SAXO2: variants seen among roughly 807,000 people sequenced by gnomAD.
SAXO2 encodes stabilizer of axonemal microtubules 2.
A neutral mutation model predicts 18.7 loss-of-function variants in SAXO2; 17 were observed. The ratio of observed to expected loss-of-function variants is 0.91; its 90% CI spans 0.62 to 1.36. SAXO2 has a LOEUF of 1.36. SAXO2 is among the 40% of genes most tolerant of loss of function. SAXO2 has a pLI of 0.00. For missense variants in SAXO2, 486 were observed against 562.6 expected (o/e 0.86, Z 1.38); for synonymous variants, 163 against 181.2 (o/e 0.90, Z 0.81).
intron 3 of SAXO2, 52 bp downstream of exon 3, chr15:82,271,854 A>G: frequency 1.4e-6 from 2 of 1,440,234 alleles, no homozygotes; most frequent in Non-Finnish European, 1.9e-6. Context: ...ACTCACTTCC[A>G]GCTTTAACAT....
In SAXO2 at chr15:82,262,873, G is replaced by C; in HGVS notation, c.-7G>C. 1.9e-6 allele frequency: 3 copies of C among 1,590,798 alleles called. No homozygotes were observed. Among genetic ancestry groups the C allele is most frequent in the South Asian group, 1.1e-5 (1 of 87,406 alleles). ...GCTGCAAGTGCTGAGGCGCGGTGGAGGAAAGCATGGGAGCCAAGAGTATGA... is the reference window on the plus strand; with the variant it reads ...GCTGCAAGTGCTGAGGCGCGGTGGACGAAAGCATGGGAGCCAAGAGTATGA... On this transcript the variant is annotated 5_prime_UTR_variant, in exon 1 of 4. Transcript: ENST00000682753.
In SAXO2 at chr15:82,267,446, A is replaced by C. The variant is rs536292398; in HGVS notation, c.233+1698A>C. Among the ~76,000 whole-genome samples, 15 of 152,298 alleles carry C rather than the reference A, an allele frequency of 9.8e-5. No homozygotes were observed. The East Asian group carries it at 1.2e-3, about 12-fold the overall frequency. ...ATAGAATGGGAGACAGCTTTGCCCT[A>C]AGCATTTCCCAGCTTCACTTTTCCC... On this transcript the variant is annotated intron_variant, in intron 2 of 3. Coordinates refer to ENST00000682753, the MANE Select transcript of SAXO2 (RefSeq NM_001348699.2).
At chr15:82,279,173 A>G (rs566424676) in intron 3 of SAXO2, among the ~76,000 whole-genome samples, 1 of 152,318 alleles carries the variant, frequency 6.6e-6, no homozygotes, top group South Asian at 2.1e-4. Context: ...ACCAATTACA[A>G]ATATCAAGAA....
chr15:82,263,051 A>G, intron 1 of SAXO2, 119 bp downstream of exon 1: 1 of 1,527,646 alleles, frequency 6.5e-7, no homozygotes, highest in Non-Finnish European at 8.8e-7. Context: ...TGAAGGGACG[A>G]GGGCGCAGCG....
chr15:82,271,711 G>A lies in SAXO2; in HGVS notation c.342G>A (p.Leu114=). The A allele has an allele frequency of 6.2e-7, 1 of 1,614,120 alleles. No individual in the cohort carries two copies. The highest frequency in any genetic ancestry group is 8.5e-7 in the Non-Finnish European group (1 of 1,179,982). Residue 114 remains leucine (L), a synonymous_variant, in exon 3 of 4, where the codon TTG becomes TTA. Transcript: ENST00000682753. ...TTGGTACTACCTACAAACGGGATTT[G>A]AATTCGTATAAAGTGCAGCCTGTGG... ...IDLGTTYKRD[L]NSYKVQPVAI... is the part of the protein sequence containing the mutation.
At chr15:82,269,500 GCA>G (rs1270988974) in intron 2 of SAXO2, among the ~76,000 whole-genome samples, 3 of 152,294 alleles carry the variant, frequency 2.0e-5, no homozygotes, top group Admixed American at 6.5e-5. Context: ...AGAAGACCAG[GCA>G]GAGCCTTTAA....
intron 2 of SAXO2, among the ~76,000 whole-genome samples, chr15:82,266,234 T>C (rs1386252636): frequency 1.3e-5 from 2 of 152,236 alleles, no homozygotes; most frequent in Non-Finnish European, 2.9e-5. Context: ...CTGGGCTGCA[T>C]GCAGCCCATA....
rs201845148 is a variant in SAXO2 at position 82,283,061 on chromosome 15, A to G, written c.1376A>G (p.Ter459=). Residue 459 remains the stop codon, a stop_retained_variant, in exon 4 of 4, where the codon TAA becomes TGA. Coordinates refer to ENST00000682753, the MANE Select transcript of SAXO2 (RefSeq NM_001348699.2). The part of the protein sequence containing the change: ...RKIIPAVKAF[*] ...ATTATTCCTGCAGTGAAGGCCTTCT[A>G]ATAACCAAAATGTGCTTAAAAGGAA... is the stretch of plus-strand genomic sequence containing the variant. 6.3e-5 allele frequency: 100 copies of G among 1,597,396 alleles called. No individual in the cohort carries two copies. In the East Asian group the frequency reaches 2.0e-3, roughly 31 times the overall value.
intron 3 of SAXO2, among the ~76,000 whole-genome samples, chr15:82,273,420 T>C (rs1261496286): frequency 1.3e-5 from 2 of 152,204 alleles, no homozygotes; most frequent in Non-Finnish European, 2.9e-5. Context: ...ATTTAGGTAA[T>C]AGTTAAATGC....
At chr15:82,265,070 A>G (rs1203371098) in intron 1 of SAXO2, among the ~76,000 whole-genome samples, 3 of 152,252 alleles carry the variant, frequency 2.0e-5, no homozygotes, top group Non-Finnish European at 4.4e-5. Context: ...CTTCCACCAC[A>G]TAGGGATAGA....
At chr15:82,272,514 C>A (rs2075281440) in intron 3 of SAXO2, among the ~76,000 whole-genome samples, 1 of 152,096 alleles carries the variant, frequency 6.6e-6, no homozygotes, top group Non-Finnish European at 1.5e-5. Context: ...CTTTTCTTTC[C>A]AAAAACCTGT....
At position 82,266,733 on chromosome 15, in the gene SAXO2, A is replaced by G. The variant is rs145276625; in HGVS notation, c.233+985A>G. Among the ~76,000 whole-genome samples, 800 of 152,312 alleles carry G rather than the reference A, an allele frequency of 5.3e-3. 8 individuals carry two copies. Among genetic ancestry groups the G allele is most frequent in the Admixed American group, 0.017 (266 of 15,310 alleles). On this transcript the variant is annotated intron_variant, in intron 2 of 3. Transcript: ENST00000682753. ...TTTTCAGATTAGGTAAAATTCTTCT[A>G]TGTAAGCTCCCAAAGCACCTTCCTG... is the stretch of plus-strand genomic sequence containing the variant.
chr15:82,271,920 A>G, intron 3 of SAXO2, 118 bp downstream of exon 3: 1 of 826,906 alleles, frequency 1.2e-6, no homozygotes, highest in Non-Finnish European at 1.9e-6. Context: ...ATGGCTTAGG[A>G]AAGAACATTT....
intron 1 of SAXO2, chr15:82,263,299 A>G (rs2075159616): frequency 1.6e-6 from 2 of 1,244,880 alleles, no homozygotes; most frequent in Non-Finnish European, 2.3e-6. Context: ...CGAAGATGAG[A>G]AAGAACAGTG....
chr15:82,269,037 G>A (rs749599311), intron 2 of SAXO2, among the ~76,000 whole-genome samples: 1 of 152,104 alleles, frequency 6.6e-6, no homozygotes, highest in Non-Finnish European at 1.5e-5. Flanking sequence ...ACAAGCAGAG[G>A]TATGTGATTT....
chr15:82,267,093 G>C (rs1288493968), intron 2 of SAXO2, among the ~76,000 whole-genome samples: 14 of 152,178 alleles, frequency 9.2e-5, no homozygotes, highest in Admixed American at 8.5e-4. Context: ...ATCTGAGATA[G>C]GTGTCAGTTA....
At chr15:82,277,243 A>T (rs891035665) in intron 3 of SAXO2, among the ~76,000 whole-genome samples, 1 of 152,204 alleles carries the variant, frequency 6.6e-6, no homozygotes, top group Non-Finnish European at 1.5e-5. Flanking sequence ...GGAAAAGTCA[A>T]AAGCAAATAG....
At chr15:82,275,725 ATCACT>A (rs1229369586) in intron 3 of SAXO2, among the ~76,000 whole-genome samples, 1 of 152,234 alleles carries the variant, frequency 6.6e-6, no homozygotes, top group Non-Finnish European at 1.5e-5. Context: ...AAAATCCAAC[ATCACT>A]TCATGATAAA....
Position 82,283,278 on chromosome 15 carries a change from T to C in SAXO2, c.*216T>C, listed in dbSNP as rs2075384401. 3.0e-6 allele frequency: 1 copy of C among 333,190 alleles called. No homozygotes were observed. Among genetic ancestry groups the C allele is most frequent in the Non-Finnish European group, 5.3e-6 (1 of 189,790 alleles). 20.6% of individuals were successfully genotyped at this position (333,190 alleles called of 1,614,324 possible). A position where few individuals can be genotyped will look rare whatever the true frequency, so the allele number is the denominator to read the frequency against. On this transcript the variant is annotated 3_prime_UTR_variant, in exon 4 of 4. Coordinates refer to ENST00000682753, the MANE Select transcript of SAXO2 (RefSeq NM_001348699.2). ...GTTCTTTAATGTGCATTTCAGAAGGTTGAATAATATGCATTCCCATGAGAA... is the reference window on the plus strand; with the variant it reads ...GTTCTTTAATGTGCATTTCAGAAGGCTGAATAATATGCATTCCCATGAGAA...
Sources: gnomAD v4.1 joint callset for allele counts (sites outside exome capture counted in the v4.1 genomes callset) on GRCh38, gnomAD v4.1.1 for gene constraint, MANE v1.5 for transcripts, NCBI Gene and HGNC (gene_info 2026-07-23, HGNC 2026-07-21) for gene names.